RGS6: variants seen among roughly 807,000 people sequenced by gnomAD.
The protein encoded by RGS6 is regulator of G-protein signaling 6.
RGS6 carries 30 observed loss-of-function variants against 78.5 expected under a neutral mutation model. That is an observed-to-expected ratio of 0.38 (90% confidence interval 0.29 to 0.52). The LOEUF is 0.52. Ranked by LOEUF, RGS6 falls within the 20% of genes least tolerant of loss-of-function variation. The pLI is 0.85. For missense variants in RGS6, 495 were observed against 609.7 expected, an observed-to-expected ratio of 0.81 and a Z score of 1.98; for synonymous variants, 206 against 206.0, an observed-to-expected ratio of 1.00 and a Z score of 0.00.
upstream of RGS6, among the ~76,000 whole-genome samples, chr14:71,928,265 G>A (rs1280996770): frequency 6.6e-6 from 1 of 152,120 alleles, no homozygotes; most frequent in Non-Finnish European, 1.5e-5. Context: ...GTCTAATCAG[G>A]CATTTATTTT....
chr14:72,253,370 C>T (rs560270092), intron 2 of RGS6, among the ~76,000 whole-genome samples: 59 of 152,334 alleles, frequency 3.9e-4, no homozygotes, highest in South Asian at 2.9e-3. Context: ...TTATTTGTTA[C>T]TGCTGCATAA....
chr14:72,370,149 G>GT (rs1431587867), intron 3 of RGS6, among the ~76,000 whole-genome samples: 1 of 91,088 alleles, frequency 1.1e-5, no homozygotes, highest in Non-Finnish European at 1.9e-5. Flanking sequence ...ACAAAATCTG[G>GT]TAAAAAAAAA....
chr14:72,028,990 GT>G (rs2090395678), intron 2 of RGS6, among the ~76,000 whole-genome samples: 1 of 152,158 alleles, frequency 6.6e-6, no homozygotes, highest in Non-Finnish European at 1.5e-5. Context: ...CACTTTTATT[GT>G]TTGGGTTCCA....
chr14:72,245,071 A>G (rs1336166132), intron 2 of RGS6, among the ~76,000 whole-genome samples: 1 of 152,184 alleles, frequency 6.6e-6, no homozygotes, highest in Non-Finnish European at 1.5e-5. Flanking sequence ...TGTTCCAGCA[A>G]TTCTAAACGA....
At chr14:71,926,317 C>T in the RGS6 span, among the ~76,000 whole-genome samples, 1 of 152,226 alleles carries the variant, frequency 6.6e-6, no homozygotes, top group African/African-American at 2.4e-5. Flanking sequence ...GGCACAGTGG[C>T]CCATGCCTGT....
At chr14:71,972,536 AG>A (rs755736258) in intron 2 of RGS6, among the ~76,000 whole-genome samples, 5 of 152,174 alleles carry the variant, frequency 3.3e-5, no homozygotes, top group African/African-American at 4.8e-5. Context: ...TCTTCATGAA[AG>A]GGTTTGAAGC....
intron 2 of RGS6, among the ~76,000 whole-genome samples, chr14:72,121,844 G>T (rs1222024968): frequency 1.3e-5 from 2 of 152,126 alleles, no homozygotes; most frequent in African/African-American, 4.8e-5. Context: ...CCCAGTGTCT[G>T]CAACGGTGCC....
intron 2 of RGS6, among the ~76,000 whole-genome samples, chr14:72,116,578 G>T (rs554536230): frequency 1.3e-5 from 2 of 151,944 alleles, no homozygotes; most frequent in African/African-American, 4.8e-5. Context: ...AGTGTCACAT[G>T]GGGCAAAATC....
intron 2 of RGS6, among the ~76,000 whole-genome samples, chr14:72,321,329 A>C (rs2071955839): frequency 6.6e-6 from 1 of 152,026 alleles, no homozygotes; most frequent in African/African-American, 2.4e-5. Context: ...AACAGAAATC[A>C]AAATACTATA....
intron 2 of RGS6, among the ~76,000 whole-genome samples, chr14:72,262,167 A>G (rs2058285389): frequency 1.3e-5 from 2 of 152,274 alleles, no homozygotes; most frequent in East Asian, 1.9e-4. Context: ...AGAATACAGG[A>G]TTGAAGGTGA....
At chr14:72,598,602 A>G in the RGS6 span, among the ~76,000 whole-genome samples, 4 of 152,296 alleles carry the variant, frequency 2.6e-5, no homozygotes, top group East Asian at 7.7e-4. Context: ...AGACAGAGAG[A>G]CAGGCTTGCC....
chr14:72,613,035 T>C, the RGS6 span, among the ~76,000 whole-genome samples: 38 of 150,862 alleles, frequency 2.5e-4, no homozygotes, highest in African/African-American at 8.9e-4. Flanking sequence ...TGTGTGTATG[T>C]GCGTGCGTGC....
chr14:72,495,628 G>A (rs2096635296), intron 13 of RGS6, among the ~76,000 whole-genome samples: 1 of 152,126 alleles, frequency 6.6e-6, no homozygotes, highest in Admixed American at 6.5e-5. Context: ...CCTGCAGTAA[G>A]TGTCTCTCAC....
At chr14:71,951,840 T>A (rs1285733807) in intron 1 of RGS6, among the ~76,000 whole-genome samples, 2 of 152,200 alleles carry the variant, frequency 1.3e-5, no homozygotes, top group East Asian at 3.8e-4. Flanking sequence ...ATATTCCTAG[T>A]ATTTGAAATT....
intron 2 of RGS6, among the ~76,000 whole-genome samples, chr14:71,988,620 C>T (rs1180419555): frequency 2.0e-5 from 3 of 152,014 alleles, no homozygotes; most frequent in Admixed American, 6.6e-5. Flanking sequence ...TCCGTATGAC[C>T]GGTGAAGCCT....
intron 17 of RGS6, among the ~76,000 whole-genome samples, chr14:72,552,128 G>A (rs544517872): frequency 1.3e-5 from 2 of 152,318 alleles, no homozygotes; most frequent in East Asian, 3.9e-4. Context: ...GGGTGGGTAC[G>A]TGGGTATCTC....
intron 1 of RGS6, among the ~76,000 whole-genome samples, chr14:71,956,676 C>G (rs1301407624): frequency 1.3e-5 from 2 of 152,130 alleles, no homozygotes; most frequent in African/African-American, 4.8e-5. Flanking sequence ...AAGGGTGGGT[C>G]TGCCTTCCCC....
chr14:72,398,882 T>G (rs753529643), intron 3 of RGS6, among the ~76,000 whole-genome samples: 4 of 152,184 alleles, frequency 2.6e-5, no homozygotes, highest in Admixed American at 2.6e-4. Context: ...TTCTTAATCC[T>G]GAGTTCTAGT....
the RGS6 span, among the ~76,000 whole-genome samples, chr14:72,618,652 C>G: frequency 6.6e-6 from 1 of 152,188 alleles, no homozygotes; most frequent in African/African-American, 2.4e-5. Context: ...CCCTCCCTCC[C>G]CGCCCCCATC....
Sources: allele counts gnomAD v4.1 joint callset (sites outside exome capture counted in the v4.1 genomes callset), GRCh38; gene constraint gnomAD v4.1.1; transcripts MANE v1.5; gene names NCBI Gene and HGNC (gene_info 2026-07-23, HGNC 2026-07-21).